The following BBS1 variants were observed in gnomAD, a reference collection of about 807,000 sequenced individuals.
BBS1 encodes BBSome complex member BBS1.
A neutral mutation model predicts 73.9 loss-of-function variants in BBS1; 60 were observed. The ratio of observed to expected loss-of-function variants is 0.81; its 90% CI spans 0.66 to 1.01. The LOEUF (loss-of-function observed/expected upper bound fraction) is 1.01. BBS1 is among the 50% of genes least tolerant of loss of function. The pLI, the probability that BBS1 is intolerant of heterozygous loss-of-function variation, is 0.00. For missense variants in BBS1, 718 were observed against 770.3 expected (o/e 0.93, Z 0.80); for synonymous variants, 283 against 317.4 (o/e 0.89, Z 1.15).
In BBS1 at chr11:66,521,900, G is replaced by A. The variant is rs185377298; in HGVS notation, c.830+524G>A. On this transcript the variant is annotated intron_variant, in intron 9 of 16. Coordinates refer to ENST00000318312, the MANE Select transcript of BBS1 (RefSeq NM_024649.5). ...AGCCTGGGTAACGGAGCGAGACTCC[G>A]TCTCAAAAAAAAAAAAAAAAAAAAA... Among the ~76,000 whole-genome samples, 9 of 87,856 alleles carry A rather than the reference G, an allele frequency of 1.0e-4. No individual in the cohort carries two copies. The East Asian group carries it at 3.2e-3, about 31-fold the overall frequency. 57.6% of individuals were successfully genotyped at this position (87,856 alleles called of 152,430 possible).
chr11:66,531,178 C>A, intron 15 of BBS1, 150 bp downstream of exon 15: 5 of 1,168,324 alleles, frequency 4.3e-6, no homozygotes, highest in South Asian at 1.3e-5. Flanking sequence ...CAGACCAGGC[C>A]AAGGCCCCAG....
intron 11 of BBS1, 58 bp from the exon 12 acceptor site, chr11:66,526,065 C>T: frequency 6.5e-7 from 1 of 1,539,744 alleles, no homozygotes; most frequent in Non-Finnish European, 9.0e-7. Context: ...TACCCATCCC[C>T]TGTCTTGCTT....
rs114607144 is a variant in BBS1, at chr11:66,524,287, A to G, written c.1110+405A>G. ...AGAGCGAGACTCCATCTTAAAAAAA[A>G]AAAAAATGTGTTGAGCACCTCATAT... On this transcript the variant is annotated intron_variant, in intron 11 of 16. Transcript: ENST00000318312. The G allele has an allele frequency of 3.1e-3, 1,019 of 333,372 alleles. 9 individuals carry two copies. The highest frequency in any genetic ancestry group is 0.021 in the African/African-American group (954 of 46,490). 20.7% of individuals were successfully genotyped at this position (333,372 alleles called of 1,614,324 possible). A position where few individuals can be genotyped will look rare whatever the true frequency, so the allele number is the denominator to read the frequency against.
intron 11 of BBS1, chr11:66,524,189 AG>A: frequency 2.5e-6 from 1 of 394,902 alleles, no homozygotes; most frequent in South Asian, 2.1e-5. Flanking sequence ...TTGAGGTAGG[AG>A]AATCGCTTGA....
intron 13 of BBS1, chr11:66,529,505 G>C (rs1371947275): frequency 2.8e-6 from 2 of 725,620 alleles, no homozygotes; most frequent in Admixed American, 4.0e-5. Context: ...GAAGAAGATG[G>C]AGGATGAGAA....
At chr11:66,521,934 G>T (rs995184210) in intron 9 of BBS1, among the ~76,000 whole-genome samples, 16 of 148,390 alleles carry the variant, frequency 1.1e-4, no homozygotes, top group Non-Finnish European at 2.1e-4. Flanking sequence ...AAAAGCAGGG[G>T]GGTGCCGGGT....
chr11:66,516,236 C>G (rs1455825980), intron 7 of BBS1, among the ~76,000 whole-genome samples: 1 of 150,906 alleles, frequency 6.6e-6, no homozygotes, highest in Non-Finnish European at 1.5e-5. Context: ...AGCGATTCTC[C>G]TGCCTCAGCC....
chr11:66,523,429 CCAGA>C (rs1341052775), intron 9 of BBS1, 23 bp from the exon 10 acceptor site: 2 of 1,613,958 alleles, frequency 1.2e-6, no homozygotes, highest in Non-Finnish European at 1.7e-6. Context: ...TTCTCTGGGG[CCAGA>C]CAGTGTGTTG....
chr11:66,518,281 G>A (rs186946362), intron 7 of BBS1, among the ~76,000 whole-genome samples: 12 of 151,208 alleles, frequency 7.9e-5, no homozygotes, highest in Admixed American at 4.6e-4. Flanking sequence ...TTTTTGAAAC[G>A]GAGTCTCGCT....
intron 3 of BBS1, among the ~76,000 whole-genome samples, chr11:66,512,541 T>C (rs148724081): frequency 2.6e-5 from 4 of 152,236 alleles, no homozygotes; most frequent in African/African-American, 9.6e-5. Context: ...GACACTACAC[T>C]CAGAAATGCA....
At position 66,518,754 on chromosome 11, in the gene BBS1, T is replaced by C. The variant is rs545310446; in HGVS notation, c.592-863T>C. On this transcript the variant is annotated intron_variant, in intron 7 of 16. Coordinates refer to ENST00000318312, the MANE Select transcript of BBS1 (RefSeq NM_024649.5). ...GGTGTGAGCCACCACGCCCAGCCCTTTTCTTTTTTTTTTTTTTTTTTAAGA... is the reference window on the plus strand; with the variant it reads ...GGTGTGAGCCACCACGCCCAGCCCTCTTCTTTTTTTTTTTTTTTTTTAAGA... Among the ~76,000 whole-genome samples, 14 of 145,148 alleles carry C rather than the reference T, an allele frequency of 9.6e-5. No individual in the cohort carries two copies. The East Asian group carries it at 2.9e-3, about 30-fold the overall frequency.
Position 66,532,096 on chromosome 11 carries a change from G to A in BBS1, c.*59G>A, listed in dbSNP as rs1856810817. ...AGCCAGGGAGAACTGGGCGGGTTTA[G>A]TGGCCCCAGGCCCACTCCTCATGCA... On this transcript the variant is annotated 3_prime_UTR_variant, in exon 17 of 17. Coordinates refer to ENST00000318312, the MANE Select transcript of BBS1 (RefSeq NM_024649.5). The A allele has an allele frequency of 1.3e-6, 2 of 1,523,550 alleles. No homozygotes were observed. The highest frequency in any genetic ancestry group is 1.9e-5 in the Admixed American group (1 of 51,448). The allele number at this position is 1,523,550 out of a possible 1,614,324, so 94.4% of individuals were successfully genotyped here.
chr11:66,524,892 TAA>T (rs35475784), intron 11 of BBS1, among the ~76,000 whole-genome samples: 5,564 of 151,352 alleles, frequency 0.037, 139 homozygotes, highest in Non-Finnish European at 0.058. Context: ...CCATCTCTAC[TAA>T]AAATAAACAA....
chr11:66,522,311 T>A (rs1224120738), intron 9 of BBS1, among the ~76,000 whole-genome samples: 1 of 152,024 alleles, frequency 6.6e-6, no homozygotes, highest in Non-Finnish European at 1.5e-5. Flanking sequence ...TGTTTATGCA[T>A]TAGTTTAATA....
At chr11:66,525,108 G>A (rs1352235912) in intron 11 of BBS1, among the ~76,000 whole-genome samples, 6 of 151,848 alleles carry the variant, frequency 4.0e-5, no homozygotes, top group Non-Finnish European at 7.4e-5. Context: ...GCTGAGGCAG[G>A]AGAATGGCGT....
chr11:66,511,407 A>C lies in BBS1; in HGVS notation c.159+168A>C, dbSNP rs531710732. On this transcript the variant is annotated intron_variant, in intron 3 of 16. Transcript: ENST00000318312. ...TTTATATGGAAAGTGAAGAGAACTT[A>C]TTGATTTCATAATACAGACTGCAGA... is the stretch of plus-strand genomic sequence containing the variant. 2.0e-5 allele frequency among the ~76,000 whole-genome samples: 3 copies of C among 152,334 alleles called. No homozygotes were observed. The South Asian group carries it at 6.2e-4, about 32-fold the overall frequency.
Position 66,521,259 on chromosome 11 carries a change from C to A in BBS1, c.724-11C>A. 6.2e-7 allele frequency: 1 copy of A among 1,610,758 alleles called. No individual in the cohort carries two copies. The highest frequency in any genetic ancestry group is 2.2e-5 in the East Asian group (1 of 44,872). ...CAGAGAAATTGGAGTGTTTGCGCTTCTTGTTTGCAGATGAGCCTTCCCAGC... is the reference window on the plus strand; with the variant it reads ...CAGAGAAATTGGAGTGTTTGCGCTTATTGTTTGCAGATGAGCCTTCCCAGC... On this transcript the variant is annotated splice_polypyrimidine_tract_variant and intron_variant, in intron 8 of 16. Transcript: ENST00000318312.
chr11:66,532,226 G>T lies in BBS1; in HGVS notation c.*189G>T, dbSNP rs1856816841. The T allele has an allele frequency of 1.6e-6, 1 of 626,406 alleles. No homozygotes were observed. The highest frequency in any genetic ancestry group is 2.8e-6 in the Non-Finnish European group (1 of 361,452). 38.8% of individuals were successfully genotyped at this position (626,406 alleles called of 1,614,324 possible). ...AGCAGGTTAGTGAGTACCTAGGGCGGCTCAACTCCTCCCACAGCACCAACC... is the reference window on the plus strand; with the variant it reads ...AGCAGGTTAGTGAGTACCTAGGGCGTCTCAACTCCTCCCACAGCACCAACC... On this transcript the variant is annotated 3_prime_UTR_variant, in exon 17 of 17. Transcript: ENST00000318312.
Position 66,515,480 on chromosome 11 carries a change from G to A in BBS1, c.433-60G>A, listed in dbSNP as rs1856029197. The A allele has an allele frequency of 3.9e-5, 61 of 1,579,684 alleles. 1 individual carries two copies. In the South Asian group the frequency reaches 6.6e-4, roughly 17 times the overall value. ...TAGAAGTGTGGAGCTGTCTGGGGGT[G>A]TAGACATTGGGTTTCCTGCCTGGCT... On this transcript the variant is annotated intron_variant, in intron 4 of 16. Coordinates refer to ENST00000318312, the MANE Select transcript of BBS1 (RefSeq NM_024649.5).
Sources: gnomAD v4.1 joint callset for allele counts (sites outside exome capture counted in the v4.1 genomes callset) on GRCh38, gnomAD v4.1.1 for gene constraint, MANE v1.5 for transcripts, NCBI Gene and HGNC (gene_info 2026-07-23, HGNC 2026-07-21) for gene names.